Variants in PCDHGB6 observed in about 807,000 individuals in gnomAD.
PCDHGB6 encodes protocadherin gamma-B6.
A neutral mutation model predicts 59.1 loss-of-function variants in PCDHGB6; 51 were observed. The observed-to-expected ratio is 0.86, with a 90% CI of 0.69 to 1.09. PCDHGB6 has a LOEUF of 1.09. PCDHGB6 is among the 50% of genes least tolerant of loss of function. The pLI is 0.00. For missense variants in PCDHGB6, 1,148 were observed against 1,205.1 expected, an observed-to-expected ratio of 0.95 and a Z score of 0.70; for synonymous variants, 466 against 495.1, an observed-to-expected ratio of 0.94 and a Z score of 0.78.
At chr5:141,433,225 GCT>G in intron 1 of PCDHGB6, 1 of 1,517,048 alleles carries the variant, frequency 6.6e-7, no homozygotes, top group African/African-American at 1.4e-5. Context: ...TTTTTTAATT[GCT>G]CTGTCTCCCA....
intron 1 of PCDHGB6, chr5:141,423,343 C>T: frequency 6.2e-7 from 1 of 1,614,208 alleles, no homozygotes; most frequent in South Asian, 1.1e-5. Flanking sequence ...CTGCATCTTC[C>T]TGGTCTTTGT....
rs369793035 is a variant in PCDHGB6, at chr5:141,408,762, A to T, written c.560A>T (p.Asp187Val). 57 of 1,610,942 alleles carry T rather than the reference A, an allele frequency of 3.5e-5. No homozygotes were observed. The highest frequency in any genetic ancestry group is 4.6e-5 in the Non-Finnish European group (54 of 1,178,454). Residue 187 changes from aspartate to valine, a missense_variant, in exon 1 of 4, where the codon GAT (aspartate) becomes GTT (valine). By Grantham distance (152) the Asp-to-Val change is radical. Transcript: ENST00000520790. ...YFSLMVRVNS[D>V]GGKYPELSLE... ...TCATTAATGGTTAGAGTTAATTCCG[A>T]TGGTGGCAAATACCCAGAGTTATCT...
chr5:141,413,256 A>G (rs1255086187), intron 1 of PCDHGB6: 2 of 1,613,946 alleles, frequency 1.2e-6, no homozygotes, highest in Admixed American at 1.7e-5. Context: ...TCGGGATTCC[A>G]TGGGAGGCTG....
Position 141,431,180 on chromosome 5 carries a change from A to C in PCDHGB6, c.2418+20560A>C. The C allele has an allele frequency of 6.2e-7, 1 of 1,614,246 alleles. No homozygotes were observed. The highest frequency in any genetic ancestry group is 8.5e-7 in the Non-Finnish European group (1 of 1,180,044). On this transcript the variant is annotated intron_variant, in intron 1 of 3. Transcript: ENST00000520790. This position sits in a 1 kb window ranked among gnomAD's most constrained non-coding sequence, Gnocchi z 4.8. ...CTTTCGTGAAAGTGAATTAGAAATA[A>C]AAATTAGTGAAAATGCAGCCACTGA...
rs770760145 is a variant in PCDHGB6 at position 141,421,951 on chromosome 5, A to C, written c.2418+11331A>C. On this transcript the variant is annotated intron_variant, in intron 1 of 3. Transcript: ENST00000520790. Reference sequence around the variant, plus strand: ...CCTCGATGTAAATGATCACATCCCAATGTTTACACAGTCCGTATATCGCGT... The same window carrying C: ...CCTCGATGTAAATGATCACATCCCACTGTTTACACAGTCCGTATATCGCGT... 1.9e-6 allele frequency: 3 copies of C among 1,612,854 alleles called. No homozygotes were observed. The highest frequency in any genetic ancestry group is 2.5e-6 in the Non-Finnish European group (3 of 1,179,434).
Position 141,486,087 on chromosome 5 carries a change from T to G in PCDHGB6, c.2419-8720T>G. 4 of 1,614,176 alleles carry G rather than the reference T, an allele frequency of 2.5e-6. No individual in the cohort carries two copies. The highest frequency in any genetic ancestry group is 3.4e-6 in the Non-Finnish European group (4 of 1,180,028). ...CCCACTACTGGAAAGCTTACTCTTT[T>G]GGGGCCCCTAGACTTTGAGAGTGAG... On this transcript the variant is annotated intron_variant, in intron 1 of 3. Coordinates refer to ENST00000520790, the MANE Select transcript of PCDHGB6 (RefSeq NM_018926.3). This position sits in a 1 kb window ranked among gnomAD's most constrained non-coding sequence, Gnocchi z 5.0.
chr5:141,477,268 C>A lies in PCDHGB6; in HGVS notation c.2419-17539C>A, dbSNP rs2099408532. On this transcript the variant is annotated intron_variant, in intron 1 of 3. Transcript: ENST00000520790. This position sits in a 1 kb window ranked among gnomAD's most constrained non-coding sequence, Gnocchi z 4.9. ...TGACTGACCTGGATGCTGGCGAGAA[C>A]GGGCTGGTGACCTGCGAAGTTCCAC... 1.2e-6 allele frequency: 2 copies of A among 1,614,078 alleles called. No individual in the cohort carries two copies. Among genetic ancestry groups the A allele is most frequent in the Non-Finnish European group, 1.7e-6 (2 of 1,180,038 alleles).
At chr5:141,423,659 A>G in intron 1 of PCDHGB6, 2 of 1,551,038 alleles carry the variant, frequency 1.3e-6, no homozygotes, top group Non-Finnish European at 1.7e-6. Flanking sequence ...ACAAGTAATC[A>G]GGTGAGATTT....
intron 2 of PCDHGB6, among the ~76,000 whole-genome samples, chr5:141,501,876 C>T (rs1463329895): frequency 6.6e-6 from 1 of 152,118 alleles, no homozygotes; most frequent in East Asian, 1.9e-4. Context: ...CGCCTCCTTA[C>T]ACTCCTGATC....
chr5:141,478,631 A>G (rs781339775), intron 1 of PCDHGB6: 1 of 1,553,196 alleles, frequency 6.4e-7, no homozygotes, highest in Non-Finnish European at 8.7e-7. Context: ...CTGTTTTTTT[A>G]GTGATGAAGA....
At chr5:141,411,425 A>AC (rs971774943) in intron 1 of PCDHGB6, 58 of 150,512 alleles carry the variant, frequency 3.9e-4, no homozygotes, top group African/African-American at 1.4e-3. Flanking sequence ...AACAACAACA[A>AC]AAAAAAACAT....
At chr5:141,500,315 G>C (rs944076867) in intron 2 of PCDHGB6, among the ~76,000 whole-genome samples, 41 of 151,522 alleles carry the variant, frequency 2.7e-4, no homozygotes, top group African/African-American at 9.5e-4. Flanking sequence ...TTCACGCCAT[G>C]CTCCTGCCTC....
In PCDHGB6 at chr5:141,489,523, C is replaced by CT. The variant is rs1379784656; in HGVS notation, c.2419-5283dup. On this transcript the variant is annotated intron_variant, in intron 1 of 3. Coordinates refer to ENST00000520790, the MANE Select transcript of PCDHGB6 (RefSeq NM_018926.3). The surrounding 1 kb of genome is among the most constrained non-coding windows in gnomAD (Gnocchi z 4.5). ...GAATCAAAAGATTGACCGAGAAAGC[C>CT]TATGTGGAGCCAGCACCAGCTGCCT... 1 of 1,614,006 alleles carries CT rather than the reference C, an allele frequency of 6.2e-7. No homozygotes were observed. Among genetic ancestry groups the CT allele is most frequent in the Non-Finnish European group, 8.5e-7 (1 of 1,180,044 alleles).
chr5:141,473,147 T>A (rs2099315103), intron 1 of PCDHGB6, among the ~76,000 whole-genome samples: 1 of 152,222 alleles, frequency 6.6e-6, no homozygotes, highest in Admixed American at 6.5e-5. Flanking sequence ...TCTCTTCAGA[T>A]CACTAGGGCT....
intron 1 of PCDHGB6, among the ~76,000 whole-genome samples, chr5:141,483,164 T>C (rs1051456583): frequency 1.1e-4 from 17 of 152,148 alleles, no homozygotes; most frequent in Non-Finnish European, 2.5e-4. Context: ...AGATCCTGAG[T>C]TACCTTTGGG....
At chr5:141,427,378 C>T in intron 1 of PCDHGB6, 1 of 458,520 alleles carries the variant, frequency 2.2e-6, no homozygotes, top group Non-Finnish European at 4.4e-6. Context: ...ACGGTGATCA[C>T]TCTGTTCAAA....
Position 141,490,869 on chromosome 5 carries a change from A to AT in PCDHGB6, c.2419-3936dup. 1.2e-6 allele frequency: 2 copies of AT among 1,613,902 alleles called. No individual in the cohort carries two copies. Among genetic ancestry groups the AT allele is most frequent in the Non-Finnish European group, 8.5e-7 (1 of 1,179,954 alleles). ...GGGTTCGAGACTCCGGCTCTCCCCC[A>AT]TTGCATGCCAACACATCTCTGCATG... On this transcript the variant is annotated intron_variant, in intron 1 of 3. Coordinates refer to ENST00000520790, the MANE Select transcript of PCDHGB6 (RefSeq NM_018926.3). This position sits in a 1 kb window ranked among gnomAD's most constrained non-coding sequence, Gnocchi z 5.4.
chr5:141,481,871 G>T (rs372191396), intron 1 of PCDHGB6, among the ~76,000 whole-genome samples: 1 of 144,788 alleles, frequency 6.9e-6, no homozygotes, highest in Non-Finnish European at 1.5e-5. Context: ...CCGAGATCGC[G>T]CCACTGCACT....
intron 1 of PCDHGB6, among the ~76,000 whole-genome samples, chr5:141,444,758 T>C (rs1430492886): frequency 1.3e-5 from 2 of 152,262 alleles, no homozygotes; most frequent in East Asian, 3.8e-4. Flanking sequence ...TATGTAGTTC[T>C]ATTTCTATAT....
Sources: allele counts gnomAD v4.1 joint callset (sites outside exome capture counted in the v4.1 genomes callset), GRCh38; gene constraint gnomAD v4.1.1; non-coding constraint Gnocchi (gnomAD v3.1); transcripts MANE v1.5; gene names NCBI Gene and HGNC (gene_info 2026-07-23, HGNC 2026-07-21).